The following CYB5B variants were observed in gnomAD, a reference collection of about 807,000 sequenced individuals.
The protein encoded by CYB5B is cytochrome b5 type B.
CYB5B carries 14 observed loss-of-function variants against 21.3 expected under a neutral mutation model. The ratio of observed to expected loss-of-function variants is 0.66; its 90% CI spans 0.43 to 1.03. The LOEUF (loss-of-function observed/expected upper bound fraction) is 1.03, where lower values mean the gene tolerates loss of function less well. CYB5B is among the 50% of genes least tolerant of loss of function. The pLI is 0.00. For synonymous variants in CYB5B, 69 were observed against 68.4 expected (o/e 1.01, Z -0.04); for missense variants, 166 against 185.1 (o/e 0.90, Z 0.60).
At chr16:69,427,776 A>T (rs1272769039) in intron 1 of CYB5B, among the ~76,000 whole-genome samples, 1 of 152,042 alleles carries the variant, frequency 6.6e-6, no homozygotes, top group East Asian at 1.9e-4. Flanking sequence ...TGGGCAGATC[A>T]TGAGGTAAGG....
At chr16:69,442,374 G>A (rs957288012) in intron 1 of CYB5B, among the ~76,000 whole-genome samples, 3 of 151,944 alleles carry the variant, frequency 2.0e-5, no homozygotes, top group Admixed American at 6.6e-5. Flanking sequence ...TTTTTTAAAT[G>A]GCTCTTTCCC....
In CYB5B at chr16:69,463,408, T is replaced by TACCA. The variant is rs1355469397; in HGVS notation, c.*888_*889insACCA. On this transcript the variant is annotated 3_prime_UTR_variant, in exon 5 of 5. Transcript: ENST00000307892. ...GAGTAATCTTTCTTTAGAAAACTGG[T>TACCA]GTTTTCTAAAGAAACAGGATAGGAG... 1 of 152,096 alleles carries TACCA rather than the reference T, an allele frequency of 6.6e-6. No homozygotes were observed. Among genetic ancestry groups the TACCA allele is most frequent in the Non-Finnish European group, 1.5e-5 (1 of 68,010 alleles). 9.4% of individuals were successfully genotyped at this position (152,096 alleles called of 1,614,324 possible). A position where few individuals can be genotyped will look rare whatever the true frequency, so the allele number is the denominator to read the frequency against.
rs574373694 is a variant in CYB5B, at chr16:69,437,078, C to T, written c.175-10072C>T. ...CAGTTGAACTGGATAAAATTTTTCA[C>T]AAGAGGACATTACACAATTTCCTTT... On this transcript the variant is annotated intron_variant, in intron 1 of 4. Transcript: ENST00000307892. 2.0e-5 allele frequency among the ~76,000 whole-genome samples: 3 copies of T among 152,324 alleles called. No homozygotes were observed. The East Asian group carries it at 5.8e-4, about 29-fold the overall frequency.
At chr16:69,428,402 G>A (rs1351501611) in intron 1 of CYB5B, among the ~76,000 whole-genome samples, 1 of 152,038 alleles carries the variant, frequency 6.6e-6, no homozygotes, top group Non-Finnish European at 1.5e-5. Context: ...GCTTAGGCCT[G>A]TAATCCCAGC....
intron 1 of CYB5B, 139 bp from the exon 2 acceptor site, chr16:69,447,011 A>T (rs772467796): frequency 1.0e-6 from 1 of 1,000,248 alleles, no homozygotes; most frequent in Non-Finnish European, 1.5e-6. Context: ...TTCCCATTGC[A>T]TCCTGTCAGG....
chr16:69,455,610 G>A (rs990728117), intron 3 of CYB5B, among the ~76,000 whole-genome samples: 1 of 151,834 alleles, frequency 6.6e-6, no homozygotes, highest in Non-Finnish European at 1.5e-5. Flanking sequence ...GTTTCACCAT[G>A]TTGGCCAGGA....
At chr16:69,426,398 CAAA>C (rs72024712) in intron 1 of CYB5B, among the ~76,000 whole-genome samples, 4 of 80,514 alleles carry the variant, frequency 5.0e-5, no homozygotes, top group Non-Finnish European at 1.0e-4. Context: ...GATTCCATCT[CAAA>C]AAAAAAAAAA....
At chr16:69,454,073 C>T (rs1208228602) in intron 3 of CYB5B, among the ~76,000 whole-genome samples, 1 of 152,140 alleles carries the variant, frequency 6.6e-6, no homozygotes, top group African/African-American at 2.4e-5. Flanking sequence ...ACATTCTTTT[C>T]AAATCAGCCC....
At chr16:69,441,491 G>C (rs1410584205) in intron 1 of CYB5B, among the ~76,000 whole-genome samples, 1 of 152,202 alleles carries the variant, frequency 6.6e-6, no homozygotes, top group African/African-American at 2.4e-5. Context: ...GAGAAAGCGA[G>C]ATGGTTTAAT....
chr16:69,444,291 CCT>C (rs1308886018), intron 1 of CYB5B: 24 of 152,460 alleles, frequency 1.6e-4, no homozygotes, highest in Admixed American at 1.5e-3. Flanking sequence ...TAGCTCCTAC[CCT>C]CTGTCTTCAC....
In CYB5B at chr16:69,462,805, C is replaced by A; in HGVS notation, c.*285C>A. 3.0e-6 allele frequency: 1 copy of A among 332,944 alleles called. No individual in the cohort carries two copies. The highest frequency in any genetic ancestry group is 5.7e-6 in the Non-Finnish European group (1 of 175,666). 20.6% of individuals were successfully genotyped at this position (332,944 alleles called of 1,614,324 possible). A position where few individuals can be genotyped will look rare whatever the true frequency, so the allele number is the denominator to read the frequency against. ...CCCTTATATTTCACAACTTTCTGTTCATAAGTTATAGTGACATTGCTCTTT... is the reference window on the plus strand; with the variant it reads ...CCCTTATATTTCACAACTTTCTGTTAATAAGTTATAGTGACATTGCTCTTT... On this transcript the variant is annotated 3_prime_UTR_variant, in exon 5 of 5. Transcript: ENST00000307892.
At chr16:69,438,974 T>G (rs186101716) in intron 1 of CYB5B, among the ~76,000 whole-genome samples, 20 of 151,156 alleles carry the variant, frequency 1.3e-4, no homozygotes, top group Admixed American at 1.1e-3. Context: ...AATTTATCTG[T>G]TTTTTTTTGT....
Position 69,448,236 on chromosome 16 carries a change from C to T in CYB5B, c.333+92C>T, listed in dbSNP as rs757687797. 9.1e-6 allele frequency: 13 copies of T among 1,430,754 alleles called. No individual in the cohort carries two copies. In the East Asian group the frequency reaches 3.0e-4, roughly 33 times the overall value. The allele number at this position is 1,430,754 out of a possible 1,614,324, so 88.6% of individuals were successfully genotyped here. A position where few individuals can be genotyped will look rare whatever the true frequency, so the allele number is the denominator to read the frequency against. On this transcript the variant is annotated intron_variant, in intron 3 of 4. Transcript: ENST00000307892. ...CATTTTTTCTTAACAAGAGAAGTTA[C>T]AAAGTATTTACTTTTTCCCCAAGCA...
At chr16:69,457,438 A>G (rs1597287203) in intron 3 of CYB5B, among the ~76,000 whole-genome samples, 1 of 152,154 alleles carries the variant, frequency 6.6e-6, no homozygotes, top group African/African-American at 2.4e-5. Context: ...TCTATAAATC[A>G]TTGGTATTTA....
chr16:69,425,290 C>T (rs938978939), intron 1 of CYB5B, among the ~76,000 whole-genome samples: 2 of 152,080 alleles, frequency 1.3e-5, no homozygotes, highest in Non-Finnish European at 2.9e-5. Flanking sequence ...TTTTGGTTTT[C>T]GTCTTCTAGA....
At chr16:69,442,928 G>C (rs1222688822) in intron 1 of CYB5B, among the ~76,000 whole-genome samples, 1 of 149,834 alleles carries the variant, frequency 6.7e-6, no homozygotes. Flanking sequence ...TTTACTACTT[G>C]GTCTTCAAAA....
chr16:69,445,290 T>C (rs2014866752), intron 1 of CYB5B, among the ~76,000 whole-genome samples: 1 of 152,194 alleles, frequency 6.6e-6, no homozygotes, highest in African/African-American at 2.4e-5. Flanking sequence ...TGCTGTAAAA[T>C]AGCATTCTTA....
intron 1 of CYB5B, among the ~76,000 whole-genome samples, chr16:69,425,337 C>T (rs1452510532): frequency 7.8e-6 from 1 of 128,518 alleles, no homozygotes; most frequent in Non-Finnish European, 1.7e-5. Flanking sequence ...GCTTCCCCAT[C>T]TTGATTATGC....
rs1289258545 is a variant in CYB5B at position 69,447,221 on chromosome 16, A to C, written c.246A>C (p.Gly82=). The change falls in exon 2 of 5, where the codon GGA becomes GGC. Residue 82 remains glycine, a synonymous_variant. Coordinates refer to ENST00000307892, the MANE Select transcript of CYB5B (RefSeq NM_030579.3). The part of the protein sequence containing the change: ...VDASESFEDV[G]HSSDAREMLK... ...CAAGTGAAAGCTTTGAAGATGTAGG[A>C]CACTCTTCTGATGCCAGAGAAATGC... is the stretch of plus-strand genomic sequence containing the variant. 1 of 1,614,042 alleles carries C rather than the reference A, an allele frequency of 6.2e-7. No homozygotes were observed. The highest frequency in any genetic ancestry group is 1.1e-5 in the South Asian group (1 of 91,072).
Sources: gnomAD v4.1 joint callset for allele counts (sites outside exome capture counted in the v4.1 genomes callset) on GRCh38, gnomAD v4.1.1 for gene constraint, MANE v1.5 for transcripts, NCBI Gene and HGNC (gene_info 2026-07-23, HGNC 2026-07-21) for gene names.